The following KLHL32 variants were observed in gnomAD, a reference collection of about 807,000 sequenced individuals.
The protein encoded by KLHL32 is kelch-like protein 32.
A neutral mutation model predicts 64.8 loss-of-function variants in KLHL32; 35 were observed. That is an observed-to-expected ratio of 0.54 (90% CI 0.41 to 0.72). KLHL32 has a LOEUF of 0.72. Among genes scored for constraint, KLHL32 ranks in the 30% least tolerant of loss-of-function variants. The pLI is 0.00. For synonymous variants in KLHL32, 259 were observed against 281.0 expected (o/e 0.92, Z 0.78); for missense variants, 589 against 768.5 (o/e 0.77, Z 2.76).
At chr6:97,102,023 T>C (rs1240537895) in intron 6 of KLHL32, among the ~76,000 whole-genome samples, 1 of 152,248 alleles carries the variant, frequency 6.6e-6, no homozygotes. Context: ...TTCACATGTC[T>C]GATCGCATTC....
chr6:97,061,625 C>T (rs1031609893), intron 4 of KLHL32, among the ~76,000 whole-genome samples: 1 of 152,146 alleles, frequency 6.6e-6, no homozygotes, highest in African/African-American at 2.4e-5. Context: ...TGTCAGACTA[C>T]ATGTTGATGG....
chr6:97,136,689 A>G (rs1193125166), intron 10 of KLHL32, among the ~76,000 whole-genome samples: 1 of 152,226 alleles, frequency 6.6e-6, no homozygotes, highest in East Asian at 1.9e-4. Flanking sequence ...GCTGGAGGAT[A>G]CAGTGCCAGC....
rs552801966 is a variant in KLHL32, at chr6:97,006,397, G to A, written c.204+30220G>A. On this transcript the variant is annotated intron_variant, in intron 3 of 10. Coordinates refer to ENST00000369261, the MANE Select transcript of KLHL32 (RefSeq NM_052904.4). The stretch of plus-strand genomic sequence containing the variant: ...TCCATTTCTTTACTTTGAGCCTATC[G>A]GGGTTATTGCATGTGAGATGGGCCT... 1.1e-4 allele frequency among the ~76,000 whole-genome samples: 17 copies of A among 152,166 alleles called. No individual in the cohort carries two copies. In the South Asian group the frequency reaches 2.9e-3, roughly 26 times the overall value.
chr6:97,089,778 TAAAA>T (rs35560928), intron 6 of KLHL32, among the ~76,000 whole-genome samples: 5 of 136,272 alleles, frequency 3.7e-5, no homozygotes, highest in African/African-American at 2.8e-5. Context: ...AAACTCCAGC[TAAAA>T]AAAAAAAAAA....
At chr6:96,971,571 A>C (rs1775106026) in intron 2 of KLHL32, among the ~76,000 whole-genome samples, 1 of 152,118 alleles carries the variant, frequency 6.6e-6, no homozygotes, top group South Asian at 2.1e-4. Flanking sequence ...GGCTGATCAA[A>C]TGGTTGCTCC....
At chr6:97,040,997 A>G (rs1395702689) in intron 3 of KLHL32, among the ~76,000 whole-genome samples, 3 of 152,200 alleles carry the variant, frequency 2.0e-5, no homozygotes, top group East Asian at 3.9e-4. Context: ...TCTTTCCTTT[A>G]TAAGTCACCT....
intron 3 of KLHL32, 81 bp from the exon 4 acceptor site, chr6:97,041,411 T>C: frequency 1.2e-6 from 1 of 838,230 alleles, no homozygotes; most frequent in South Asian, 1.5e-5. Flanking sequence ...AACTTTTTTT[T>C]CCCCTAGTCT....
the KLHL32 span, among the ~76,000 whole-genome samples, chr6:96,898,087 C>G: frequency 6.6e-6 from 1 of 152,262 alleles, no homozygotes; most frequent in Non-Finnish European, 1.5e-5. Flanking sequence ...GCTTTTAACG[C>G]TGGAACTCCG....
the KLHL32 span, among the ~76,000 whole-genome samples, chr6:96,899,187 G>A: frequency 6.6e-6 from 1 of 152,116 alleles, no homozygotes; most frequent in African/African-American, 2.4e-5. Flanking sequence ...TTGGTATTTG[G>A]AATTTATAGA....
chr6:97,054,972 A>G lies in KLHL32; in HGVS notation c.313-9656A>G, dbSNP rs1471570113. 2.6e-5 allele frequency among the ~76,000 whole-genome samples: 4 copies of G among 152,184 alleles called. No individual in the cohort carries two copies. In the East Asian group the frequency reaches 5.8e-4, roughly 22 times the overall value. On this transcript the variant is annotated intron_variant, in intron 4 of 10. Transcript: ENST00000369261. ...ATAAGAGAGGATAAAAATTGATTCC[A>G]GCTTGTGGCATCTTTGGAGAATTAT...
intron 3 of KLHL32, among the ~76,000 whole-genome samples, chr6:96,988,484 G>C (rs1318178075): frequency 6.6e-6 from 1 of 152,256 alleles, no homozygotes. Context: ...GGAGAAATGG[G>C]AACACTTTTA....
At chr6:97,075,801 G>A (rs1582940980) in intron 5 of KLHL32, among the ~76,000 whole-genome samples, 1 of 152,120 alleles carries the variant, frequency 6.6e-6, no homozygotes, top group African/African-American at 2.4e-5. Flanking sequence ...ACTGGGTATG[G>A]TGCCTTGGAT....
the KLHL32 span, among the ~76,000 whole-genome samples, chr6:96,911,974 AT>A: frequency 6.6e-6 from 1 of 151,332 alleles, no homozygotes; most frequent in Non-Finnish European, 1.5e-5. Context: ...GCTGGCTTCA[AT>A]TTCCATCTTA....
chr6:97,001,933 A>G (rs1258016792), intron 3 of KLHL32, among the ~76,000 whole-genome samples: 2 of 152,202 alleles, frequency 1.3e-5, no homozygotes, highest in Non-Finnish European at 2.9e-5. Context: ...GAAATCAGAC[A>G]CTGATTGAGT....
At chr6:97,093,466 A>G (rs1314376853) in intron 6 of KLHL32, among the ~76,000 whole-genome samples, 3 of 152,202 alleles carry the variant, frequency 2.0e-5, no homozygotes, top group Non-Finnish European at 4.4e-5. Flanking sequence ...GTCTCACTGT[A>G]TTCTCTTGAA....
chr6:97,060,173 G>A (rs1167814456), intron 4 of KLHL32, among the ~76,000 whole-genome samples: 1 of 152,000 alleles, frequency 6.6e-6, no homozygotes, highest in African/African-American at 2.4e-5. Context: ...GAAGAAGATA[G>A]CTTTGAAGAT....
At chr6:97,021,846 C>T (rs1340329415) in intron 3 of KLHL32, among the ~76,000 whole-genome samples, 1 of 150,930 alleles carries the variant, frequency 6.6e-6, no homozygotes, top group Non-Finnish European at 1.5e-5. Context: ...CACAAAACTG[C>T]TTATTGCACA....
At chr6:97,096,623 C>A (rs193021453) in intron 6 of KLHL32, among the ~76,000 whole-genome samples, 1 of 152,306 alleles carries the variant, frequency 6.6e-6, no homozygotes, top group African/African-American at 2.4e-5. Context: ...CCCAGATATT[C>A]TTTTTGATAT....
At chr6:96,909,883 A>T in the KLHL32 span, among the ~76,000 whole-genome samples, 3 of 152,248 alleles carry the variant, frequency 2.0e-5, no homozygotes, top group African/African-American at 7.2e-5. Flanking sequence ...ATTGTAAAAA[A>T]TCTTAAGAAG....
Sources: gnomAD v4.1 joint callset for allele counts (sites outside exome capture counted in the v4.1 genomes callset) on GRCh38, gnomAD v4.1.1 for gene constraint, MANE v1.5 for transcripts, NCBI Gene and HGNC (gene_info 2026-07-23, HGNC 2026-07-21) for gene names.